AGK: variants seen among roughly 807,000 people sequenced by gnomAD.
The protein encoded by AGK is acylglycerol kinase, also known as acylglycerol kinase, mitochondrial.
A neutral mutation model predicts 66.4 loss-of-function variants in AGK; 52 were observed. That is an observed-to-expected ratio of 0.78 (90% CI 0.63 to 0.99). AGK has a LOEUF of 0.99. Among genes scored for constraint, AGK ranks in the 50% least tolerant of loss-of-function variants. AGK has a pLI of 0.00. For synonymous variants in AGK, 182 were observed against 181.1 expected (o/e 1.00, Z -0.04); for missense variants, 451 against 506.6 (o/e 0.89, Z 1.05).
chr7:141,562,632 G>A (rs1453828857), intron 2 of AGK, among the ~76,000 whole-genome samples: 1 of 152,136 alleles, frequency 6.6e-6, no homozygotes, highest in Non-Finnish European at 1.5e-5. Flanking sequence ...AGGGAAGTAG[G>A]GGATAACTGA....
At chr7:141,584,361 C>T (rs1795950445) in intron 2 of AGK, among the ~76,000 whole-genome samples, 1 of 152,122 alleles carries the variant, frequency 6.6e-6, no homozygotes, top group Admixed American at 6.5e-5. Context: ...TGTGATTCTT[C>T]ACTTGCTTCG....
At chr7:141,652,252 G>A (rs1051899522) in intron 15 of AGK, 5 of 154,428 alleles carry the variant, frequency 3.2e-5, no homozygotes, top group African/African-American at 1.2e-4. Context: ...TATAAATATT[G>A]AATTAAATGC....
intron 10 of AGK, among the ~76,000 whole-genome samples, chr7:141,636,053 T>C (rs1327568463): frequency 6.6e-6 from 1 of 152,246 alleles, no homozygotes; most frequent in Non-Finnish European, 1.5e-5. Flanking sequence ...TTATGCCGTT[T>C]TCTAATTCCG....
In AGK at chr7:141,638,513, T is replaced by A. The variant is rs118137586; in HGVS notation, c.726+1496T>A. Among the ~76,000 whole-genome samples the A allele has an allele frequency of 8.0e-3, 1,212 of 152,250 alleles. 9 individuals are homozygous for A. The highest frequency in any genetic ancestry group is 0.014 in the Non-Finnish European group (925 of 68,022). On this transcript the variant is annotated intron_variant, in intron 11 of 15. Transcript: ENST00000649286. Reference sequence around the variant, plus strand: ...GAGCAGATTTGCATTTTAGAAAAATTGTTTTTTTCTAAACAGAAAAACAGA... The same window carrying A: ...GAGCAGATTTGCATTTTAGAAAAATAGTTTTTTTCTAAACAGAAAAACAGA...
intron 5 of AGK, among the ~76,000 whole-genome samples, chr7:141,608,740 C>T (rs1419866874): frequency 6.6e-6 from 1 of 152,166 alleles, no homozygotes; most frequent in East Asian, 1.9e-4. Flanking sequence ...TACTTGTTTT[C>T]TAGCATGTTG....
chr7:141,646,058 A>G (rs1797403744), intron 13 of AGK, among the ~76,000 whole-genome samples: 1 of 152,122 alleles, frequency 6.6e-6, no homozygotes, highest in Admixed American at 6.5e-5. Context: ...GAGAGGCCAC[A>G]GCCTGCGGAG....
chr7:141,652,165 G>A (rs750276684), intron 15 of AGK, among the ~76,000 whole-genome samples: 1 of 152,172 alleles, frequency 6.6e-6, no homozygotes, highest in Non-Finnish European at 1.5e-5. Flanking sequence ...AAGACATGTG[G>A]CCATATATTA....
chr7:141,583,353 A>G (rs1795921863), intron 2 of AGK, among the ~76,000 whole-genome samples: 2 of 149,486 alleles, frequency 1.3e-5, no homozygotes, highest in Admixed American at 1.3e-4. Context: ...ACATGGAGAG[A>G]AGGGGTGGGG....
At chr7:141,584,263 G>A (rs748265298) in intron 2 of AGK, among the ~76,000 whole-genome samples, 12 of 152,078 alleles carry the variant, frequency 7.9e-5, no homozygotes, top group Middle Eastern at 3.2e-3. Context: ...TTCAGTGGGG[G>A]AGCTTTTGAG....
intron 9 of AGK, among the ~76,000 whole-genome samples, chr7:141,624,948 T>G (rs552531040): frequency 6.6e-6 from 1 of 152,308 alleles, no homozygotes; most frequent in South Asian, 2.1e-4. Flanking sequence ...TGCTGTCTTA[T>G]TTTAAGAAAT....
intron 13 of AGK, among the ~76,000 whole-genome samples, chr7:141,647,143 C>T (rs1465864182): frequency 6.6e-6 from 1 of 151,806 alleles, no homozygotes; most frequent in Non-Finnish European, 1.5e-5. Context: ...CTCCTGAACC[C>T]TGGGCCGTTC....
At chr7:141,608,997 T>C (rs1796520656) in intron 5 of AGK, among the ~76,000 whole-genome samples, 1 of 152,166 alleles carries the variant, frequency 6.6e-6, no homozygotes, top group African/African-American at 2.4e-5. Context: ...CATACATACA[T>C]TTTTTTAAAA....
Position 141,611,285 on chromosome 7 carries a change from G to A in AGK, c.388G>A (p.Glu130Lys). The change falls in exon 6 of 16, where the codon GAG (glutamate) becomes AAG (lysine). Residue 130 changes from glutamate (E) to lysine (K), a missense_variant and splice_region_variant. Transcript: ENST00000649286. ...IVAGGDGTLQ[E>K]VVTGVLRRTD... ...TGCAGGAGGAGATGGGACACTGCAG[G>A]AGGTATGACTGTTTTTCTCTTTGAA... 6.2e-7 allele frequency: 1 copy of A among 1,607,704 alleles called. No individual in the cohort carries two copies. Among genetic ancestry groups the A allele is most frequent in the Non-Finnish European group, 8.5e-7 (1 of 1,175,756 alleles).
rs886041491 is a variant in AGK, at chr7:141,651,523, A to G, written c.1047-2A>G. ...TAAGCTTGCTTTTTCCTGTGCTCAC[A>G]GAAGTCGAAAGGTGAGAAACCCCAA... On this transcript the variant is annotated splice_acceptor_variant, in intron 14 of 15. Transcript: ENST00000649286. LOFTEE classifies it high-confidence loss of function. 2 of 1,614,098 alleles carry G rather than the reference A, an allele frequency of 1.2e-6. No individual in the cohort carries two copies. The highest frequency in any genetic ancestry group is 2.2e-5 in the East Asian group (1 of 44,896).
At position 141,654,676 on chromosome 7, in the gene AGK, AGATAGATCAATGAG is replaced by A. The variant is rs1797648807; in HGVS notation, c.*1754_*1767del. ...CTCTAGGGGGCAGTGCACCACAGGA[AGATAGATCAATGAG>A]GGAGGATTGCGAGGGGGAAGGGGAG... On this transcript the variant is annotated 3_prime_UTR_variant, in exon 16 of 16. Transcript: ENST00000649286. The A allele has an allele frequency of 6.6e-6, 1 of 152,284 alleles. No individual in the cohort carries two copies. The highest frequency in any genetic ancestry group is 2.1e-4 in the South Asian group (1 of 4,828). 9.4% of individuals were successfully genotyped at this position (152,284 alleles called of 1,614,324 possible).
intron 6 of AGK, among the ~76,000 whole-genome samples, chr7:141,612,295 G>A (rs894557488): frequency 2.6e-5 from 4 of 152,146 alleles, no homozygotes; most frequent in Admixed American, 1.3e-4. Flanking sequence ...GCAGTGAAAC[G>A]TCAGAGGTTA....
chr7:141,577,123 C>T (rs1378782044), intron 2 of AGK, among the ~76,000 whole-genome samples: 1 of 152,138 alleles, frequency 6.6e-6, no homozygotes, highest in African/African-American at 2.4e-5. Context: ...TCAGCCAGGG[C>T]ACTCTAAAAT....
chr7:141,576,957 C>A (rs187877043), intron 2 of AGK, among the ~76,000 whole-genome samples: 5 of 152,104 alleles, frequency 3.3e-5, no homozygotes, highest in Admixed American at 6.6e-5. Context: ...GGAGAATGGC[C>A]TGAACCTGGA....
Position 141,615,451 on chromosome 7 carries a change from C to T in AGK, c.424-20C>T. The T allele has an allele frequency of 6.3e-7, 1 of 1,599,816 alleles. No individual in the cohort carries two copies. Among genetic ancestry groups the T allele is most frequent in the Non-Finnish European group, 8.6e-7 (1 of 1,167,408 alleles). On this transcript the variant is annotated intron_variant, in intron 7 of 15. Transcript: ENST00000649286. The stretch of plus-strand genomic sequence containing the variant: ...TTTCTGATCATAACAATAAAACTTT[C>T]CTCTTCTTTCCCCCCCCAGGCTACC...
Sources: allele counts gnomAD v4.1 joint callset (sites outside exome capture counted in the v4.1 genomes callset), GRCh38; gene constraint gnomAD v4.1.1; transcripts MANE v1.5; gene names NCBI Gene and HGNC (gene_info 2026-07-23, HGNC 2026-07-21).